NKX2-6: variants seen among roughly 807,000 people sequenced by gnomAD.
The protein encoded by NKX2-6 is homeobox protein Nkx-2.6.
A neutral mutation model predicts 8.6 loss-of-function variants in NKX2-6; 8 were observed. That is an observed-to-expected ratio of 0.93 (90% CI 0.54 to 1.67). NKX2-6 has a LOEUF of 1.67. Among genes scored for constraint, NKX2-6 ranks in the 40% most tolerant of loss-of-function variants. NKX2-6 has a pLI of 0.00. For synonymous variants in NKX2-6, 210 were observed against 199.3 expected (o/e 1.05, Z -0.45); for missense variants, 475 against 423.1 (o/e 1.12, Z -1.08).
chr8:23,702,724 G>C lies in NKX2-6; in HGVS notation c.633C>G (p.Pro211=), dbSNP rs758135138. The change falls in exon 2 of 2, where the codon CCC becomes CCG. Residue 211 remains proline (P), a synonymous_variant. Coordinates refer to ENST00000325017, the MANE Select transcript of NKX2-6 (RefSeq NM_001136271.3). The part of the protein sequence containing the change: ...HPLTPRRVAV[P]VLVRDGKPCL... ...AGGGCTTGCCATCGCGCACCAGGAC[G>C]GGCACAGCTACTCGGCGCGGCGTTA... The C allele has an allele frequency of 8.4e-6, 13 of 1,551,492 alleles. No homozygotes were observed. The highest frequency in any genetic ancestry group is 2.0e-5 in the Admixed American group (1 of 50,996).
At chr8:23,705,182 G>C (rs1172999791) in intron 1 of NKX2-6, among the ~76,000 whole-genome samples, 1 of 152,264 alleles carries the variant, frequency 6.6e-6, no homozygotes, top group Non-Finnish European at 1.5e-5. Flanking sequence ...CGAAGTGATC[G>C]CCGAGTTGGC....
At chr8:23,705,951 G>A (rs1388030869) in intron 1 of NKX2-6, among the ~76,000 whole-genome samples, 1 of 152,208 alleles carries the variant, frequency 6.6e-6, no homozygotes, top group African/African-American at 2.4e-5. Flanking sequence ...CCAGGTGATG[G>A]TAGGGAAGGG....
intron 1 of NKX2-6, among the ~76,000 whole-genome samples, chr8:23,703,943 C>T (rs113994953): frequency 9.9e-4 from 150 of 152,258 alleles, no homozygotes; most frequent in African/African-American, 3.3e-3. Context: ...AAGGCGCAAA[C>T]TCGGTGACAG....
rs1339362407 is a variant in NKX2-6 at position 23,706,547 on chromosome 8, G to A, written c.52C>T (p.Arg18Ter). ...STPFSVKDIL[R>*]LERERSCPAA... Reference sequence around the variant, plus strand: ...GGGCAGCTCCGCTCGCGCTCCAGTCGCAGGATGTCCTTGACCGAGAAGGGG... The same window carrying A: ...GGGCAGCTCCGCTCGCGCTCCAGTCACAGGATGTCCTTGACCGAGAAGGGG... Residue 18 changes from arginine (R) to a stop codon, truncating the protein, a stop_gained, in exon 1 of 2, where the codon CGA (arginine) becomes TGA (stop). Transcript: ENST00000325017. LOFTEE classifies it high-confidence loss of function. 1 of 1,536,642 alleles carries A rather than the reference G, an allele frequency of 6.5e-7. No individual in the cohort carries two copies. The highest frequency in any genetic ancestry group is 8.7e-7 in the Non-Finnish European group (1 of 1,146,906).
chr8:23,703,110 C>G, intron 1 of NKX2-6, 28 bp from the exon 2 acceptor site: 3 of 1,533,316 alleles, frequency 2.0e-6, no homozygotes, highest in Non-Finnish European at 2.6e-6. Flanking sequence ...GACACATCAG[C>G]GCCCAGCCTA....
In NKX2-6 at chr8:23,706,360, A is replaced by G. The variant is rs1442688993; in HGVS notation, c.239T>C (p.Val80Ala). 1.3e-6 allele frequency: 2 copies of G among 1,551,124 alleles called. No individual in the cohort carries two copies. The highest frequency in any genetic ancestry group is 2.0e-5 in the Admixed American group (1 of 50,954). ...SEPPGGPCEAVLEMDAERMGE... is the reference protein window; with the variant it reads ...SEPPGGPCEAALEMDAERMGE... ...CATCCGTTCCGCGTCCATCTCCAAG[A>G]CTGCCTCACAGGGACCCCCAGGAGG... Residue 80 changes from valine (V) to alanine (A), a missense_variant, in exon 1 of 2, where the codon GTC (valine) becomes GCC (alanine). Physicochemically the swap from Val to Ala is moderately conservative, Grantham distance 64. Transcript: ENST00000325017.
chr8:23,703,187 G>T (rs1490028535), intron 1 of NKX2-6, 105 bp from the exon 2 acceptor site: 6 of 1,328,246 alleles, frequency 4.5e-6, no homozygotes, highest in Non-Finnish European at 5.0e-6. Context: ...TTCACTCTGC[G>T]CAGGCTCCTC....
At position 23,706,569 on chromosome 8, in the gene NKX2-6, G is replaced by A. The variant is rs780398323; in HGVS notation, c.30C>T (p.Pro10=). Residue 10 remains proline, a synonymous_variant, in exon 1 of 2, where the codon CCC becomes CCT. Transcript: ENST00000325017. MLLSPVTST[P]FSVKDILRLE... is the part of the protein sequence containing the mutation. Reference sequence around the variant, plus strand: ...GTCGCAGGATGTCCTTGACCGAGAAGGGGGTGGAGGTGACGGGGCTCAGCA... The same window carrying A: ...GTCGCAGGATGTCCTTGACCGAGAAAGGGGTGGAGGTGACGGGGCTCAGCA... 3.8e-5 allele frequency: 59 copies of A among 1,536,044 alleles called. No homozygotes were observed. The highest frequency in any genetic ancestry group is 3.1e-4 in the South Asian group (26 of 84,048).
At position 23,702,744 on chromosome 8, in the gene NKX2-6, G is replaced by A; in HGVS notation, c.613C>T (p.Pro205Ser). ...AGGACGGGCACAGCTACTCGGCGCGGCGTTAGAGGGTGGCCAGCCAGTTCC... is the reference window on the plus strand; with the variant it reads ...AGGACGGGCACAGCTACTCGGCGCGACGTTAGAGGGTGGCCAGCCAGTTCC... ...SLELAGHPLTPRRVAVPVLVR... is the reference protein window; with the variant it reads ...SLELAGHPLTSRRVAVPVLVR... The change falls in exon 2 of 2, where the codon CCG becomes TCG. Residue 205 changes from proline to serine, a missense_variant. Transcript: ENST00000325017. 6.4e-7 allele frequency: 1 copy of A among 1,552,144 alleles called. No individual in the cohort carries two copies. Among genetic ancestry groups the A allele is most frequent in the Non-Finnish European group, 8.7e-7 (1 of 1,147,194 alleles).
Position 23,702,385 on chromosome 8 carries a change from G to C in NKX2-6, c.*66C>G. On this transcript the variant is annotated 3_prime_UTR_variant, in exon 2 of 2. Transcript: ENST00000325017. ...CAGCGCCGCGTCCCCTCCTTGTCAC[G>C]ACCTGCGGGCGGAGGGGAAGGGAAC... The C allele has an allele frequency of 2.1e-6, 3 of 1,407,128 alleles. No homozygotes were observed. The highest frequency in any genetic ancestry group is 3.0e-5 in the Admixed American group (1 of 33,708). 87.2% of individuals were successfully genotyped at this position (1,407,128 alleles called of 1,614,324 possible). A position where few individuals can be genotyped will look rare whatever the true frequency, so the allele number is the denominator to read the frequency against.
rs1007201729 is a variant in NKX2-6, at chr8:23,706,471, T to C, written c.128A>G (p.Tyr43Cys). ...RVRKSPENFQ[Y>C]LRMDAEPRGS... ...TCGCGGCTCTGCGTCCATTCTCAGGTACTGAAAGTTTTCCGGGCTCTTCCG... is the reference window on the plus strand; with the variant it reads ...TCGCGGCTCTGCGTCCATTCTCAGGCACTGAAAGTTTTCCGGGCTCTTCCG... Residue 43 changes from tyrosine to cysteine, a missense_variant, in exon 1 of 2, where the codon TAC becomes TGC. Physicochemically the swap from Tyr to Cys is radical, Grantham distance 194. Coordinates refer to ENST00000325017, the MANE Select transcript of NKX2-6 (RefSeq NM_001136271.3). 1.2e-5 allele frequency: 19 copies of C among 1,544,004 alleles called. No individual in the cohort carries two copies. The highest frequency in any genetic ancestry group is 1.7e-5 in the Non-Finnish European group (19 of 1,146,942).
chr8:23,705,646 C>T (rs1445203139), intron 1 of NKX2-6, among the ~76,000 whole-genome samples: 1 of 152,224 alleles, frequency 6.6e-6, no homozygotes, highest in Non-Finnish European at 1.5e-5. Flanking sequence ...CTTTGGATAC[C>T]TGCGACAGGA....
At chr8:23,703,366 G>T (rs1314528634) in intron 1 of NKX2-6, among the ~76,000 whole-genome samples, 1 of 152,192 alleles carries the variant, frequency 6.6e-6, no homozygotes, top group South Asian at 2.1e-4. Flanking sequence ...GTAGACTCTA[G>T]ATAAAGAGTT....
At chr8:23,705,338 T>A (rs1295706567) in intron 1 of NKX2-6, among the ~76,000 whole-genome samples, 1 of 152,196 alleles carries the variant, frequency 6.6e-6, no homozygotes, top group East Asian at 1.9e-4. Flanking sequence ...CCCCTTGGTT[T>A]ATTTCTTTCG....
At chr8:23,705,570 C>A (rs1724662968) in intron 1 of NKX2-6, among the ~76,000 whole-genome samples, 1 of 152,264 alleles carries the variant, frequency 6.6e-6, no homozygotes, top group Non-Finnish European at 1.5e-5. Flanking sequence ...TCCCCGCCAG[C>A]CCCTTCCCTT....
In NKX2-6 at chr8:23,702,306, C is replaced by T. The variant is rs1039356066; in HGVS notation, c.*145G>A. 3.2e-5 allele frequency: 29 copies of T among 898,850 alleles called. No homozygotes were observed. The highest frequency in any genetic ancestry group is 6.1e-5 in the Admixed American group (2 of 32,608). 55.7% of individuals were successfully genotyped at this position (898,850 alleles called of 1,614,324 possible). On this transcript the variant is annotated 3_prime_UTR_variant, in exon 2 of 2. Coordinates refer to ENST00000325017, the MANE Select transcript of NKX2-6 (RefSeq NM_001136271.3). ...TTAACTGGGTGACTGTGGTGCAGAT[C>T]GCAGTTTCAGAGATCCCTCCGGAAA...
chr8:23,702,835 C>A lies in NKX2-6; in HGVS notation c.522G>T (p.Thr174=), dbSNP rs771222551. The A allele has an allele frequency of 3.8e-6, 6 of 1,572,888 alleles. No homozygotes were observed. The African/African-American group carries it at 4.1e-5, about 11-fold the overall frequency. Residue 174 remains threonine (T), a synonymous_variant, in exon 2 of 2, where the codon ACG becomes ACT. Coordinates refer to ENST00000325017, the MANE Select transcript of NKX2-6 (RefSeq NM_001136271.3). ...HLASALQLTS[T]QVKIWFQNRR... ...GGTTCTGGAACCAGATCTTGACCTG[C>A]GTGGACGTGAGCTGCAGCGCGCTGG... is the stretch of plus-strand genomic sequence containing the variant.
intron 1 of NKX2-6, among the ~76,000 whole-genome samples, chr8:23,705,975 C>T (rs1007241601): frequency 1.3e-5 from 2 of 152,114 alleles, no homozygotes; most frequent in Non-Finnish European, 2.9e-5. Flanking sequence ...TGGTGACTGG[C>T]ACGGCTAAGA....
At chr8:23,704,594 G>T (rs1801061748) in intron 1 of NKX2-6, among the ~76,000 whole-genome samples, 1 of 152,224 alleles carries the variant, frequency 6.6e-6, no homozygotes, top group African/African-American at 2.4e-5. Context: ...TAATACCCAA[G>T]GCACTGGCAC....
Sources: gnomAD v4.1 joint callset for allele counts (sites outside exome capture counted in the v4.1 genomes callset) on GRCh38, gnomAD v4.1.1 for gene constraint, MANE v1.5 for transcripts, NCBI Gene and HGNC (gene_info 2026-07-23, HGNC 2026-07-21) for gene names.